Variants in NAV2 observed in about 807,000 individuals in gnomAD.
NAV2 encodes helicase, APC down-regulated 1.
NAV2 carries 54 observed loss-of-function variants against 223.2 expected under a neutral mutation model. The observed-to-expected ratio is 0.24, with a 90% CI of 0.19 to 0.30. The LOEUF (loss-of-function observed/expected upper bound fraction) is 0.30, where lower values mean the gene tolerates loss of function less well. Ranked by LOEUF, NAV2 falls within the 10% of genes least tolerant of loss-of-function variation. NAV2 has a pLI of 1.00. For synonymous variants in NAV2, 1,279 were observed against 1,239.3 expected, an observed-to-expected ratio of 1.03 and a Z score of -0.67; for missense variants, 2,806 against 3,147.5, an observed-to-expected ratio of 0.89 and a Z score of 2.60.
At chr11:19,944,225 AG>A (rs2046647484) in intron 8 of NAV2, among the ~76,000 whole-genome samples, 1 of 152,136 alleles carries the variant, frequency 6.6e-6, no homozygotes, top group Non-Finnish European at 1.5e-5. Context: ...AGAAAGAAAC[AG>A]AATTGCCAGA....
chr11:19,462,751 A>T (rs1197870234), intron 1 of NAV2, among the ~76,000 whole-genome samples: 1 of 151,842 alleles, frequency 6.6e-6, no homozygotes, highest in Non-Finnish European at 1.5e-5. Flanking sequence ...TCTTTGAGAG[A>T]CTCCCAACCT....
intron 1 of NAV2, among the ~76,000 whole-genome samples, chr11:19,527,449 C>T (rs1044259647): frequency 2.6e-5 from 4 of 152,070 alleles, no homozygotes; most frequent in Admixed American, 6.6e-5. Flanking sequence ...TTCTCTCTCT[C>T]CATCTTTCAT....
upstream of NAV2, among the ~76,000 whole-genome samples, chr11:19,708,156 T>TAGGGTGAGTAGATGA (rs2049728822): frequency 6.6e-6 from 1 of 152,136 alleles, no homozygotes; most frequent in Admixed American, 6.5e-5. Context: ...GAGTCACTGA[T>TAGGGTGAGTAGATGA]AGGGTGAGTA....
rs537847322 is a variant in NAV2 at position 19,871,761 on chromosome 11, G to A, written c.511+2764G>A. 7.8e-4 allele frequency among the ~76,000 whole-genome samples: 118 copies of A among 152,194 alleles called. 1 individual carries two copies. In the South Asian group the frequency reaches 0.013, roughly 17 times the overall value. ...CTCTCCGGTTCTTTTCCTCATTCAG[G>A]TGGCCAAGAGGCAGATCAGCCGGGT... On this transcript the variant is annotated intron_variant, in intron 4 of 37. Transcript: ENST00000349880.
At chr11:19,517,438 G>A (rs991527867) in intron 1 of NAV2, among the ~76,000 whole-genome samples, 11 of 152,138 alleles carry the variant, frequency 7.2e-5, no homozygotes, top group East Asian at 1.9e-4. Context: ...ACTTTTGGGC[G>A]GATTAAGTAA....
At chr11:19,418,241 C>A (rs1185807999) in intron 1 of NAV2, among the ~76,000 whole-genome samples, 1 of 152,158 alleles carries the variant, frequency 6.6e-6, no homozygotes, top group African/African-American at 2.4e-5. Context: ...TGAGAGCCTC[C>A]TATTTGACAG....
chr11:20,042,179 G>C (rs1301040583), intron 12 of NAV2, among the ~76,000 whole-genome samples: 1 of 152,248 alleles, frequency 6.6e-6, no homozygotes, highest in Non-Finnish European at 1.5e-5. Flanking sequence ...TTGGGACAAA[G>C]AATGGGCAAC....
intron 5 of NAV2, among the ~76,000 whole-genome samples, chr11:19,882,830 T>C (rs2063301341): frequency 6.6e-6 from 1 of 152,204 alleles, no homozygotes. Context: ...GGAGTTGCTG[T>C]ATGTCCTCAT....
intron 6 of NAV2, among the ~76,000 whole-genome samples, chr11:19,918,868 C>T (rs1474335662): frequency 1.3e-5 from 2 of 152,174 alleles, no homozygotes; most frequent in Admixed American, 6.5e-5. Context: ...TCCACAGGTC[C>T]GTAAACCAAT....
intron 3 of NAV2, among the ~76,000 whole-genome samples, chr11:19,865,076 TGGAAA>T (rs1315022973): frequency 6.6e-6 from 1 of 152,244 alleles, no homozygotes; most frequent in Non-Finnish European, 1.5e-5. Flanking sequence ...CAGCTAATTT[TGGAAA>T]GTAGTTTATA....
intron 1 of NAV2, among the ~76,000 whole-genome samples, chr11:19,523,055 A>G (rs2043721773): frequency 2.6e-5 from 4 of 152,234 alleles, no homozygotes; most frequent in Admixed American, 2.6e-4. Flanking sequence ...ATTCATCCAG[A>G]GGAAGCAGGT....
At chr11:19,628,479 C>A (rs956584242) in intron 1 of NAV2, among the ~76,000 whole-genome samples, 2 of 152,194 alleles carry the variant, frequency 1.3e-5, no homozygotes, top group African/African-American at 4.8e-5. Context: ...TATCCCCACA[C>A]CCCGTACACA....
intron 1 of NAV2, among the ~76,000 whole-genome samples, chr11:19,536,429 A>T (rs965028593): frequency 4.6e-5 from 7 of 152,182 alleles, no homozygotes; most frequent in Non-Finnish European, 8.8e-5. Flanking sequence ...ATTGTGGTCC[A>T]GGGACCAGCT....
At chr11:19,739,092 G>A (rs1285474290) in intron 1 of NAV2, among the ~76,000 whole-genome samples, 1 of 152,142 alleles carries the variant, frequency 6.6e-6, no homozygotes, top group Non-Finnish European at 1.5e-5. Flanking sequence ...AAGGTGGGAG[G>A]ATCACTTGAG....
chr11:20,046,556 A>T (rs950756273), intron 14 of NAV2, among the ~76,000 whole-genome samples: 5 of 150,334 alleles, frequency 3.3e-5, no homozygotes, highest in Admixed American at 2.0e-4. Flanking sequence ...GCTACTCCGG[A>T]ATTCCAAGTC....
intron 1 of NAV2, among the ~76,000 whole-genome samples, chr11:19,606,713 C>T (rs567783538): frequency 7.2e-5 from 11 of 152,320 alleles, no homozygotes; most frequent in African/African-American, 2.4e-4. Context: ...ATTACCTCTG[C>T]CAAGAGATAT....
At chr11:19,994,965 C>G (rs2051722475) in intron 11 of NAV2, among the ~76,000 whole-genome samples, 1 of 152,152 alleles carries the variant, frequency 6.6e-6, no homozygotes, top group Admixed American at 6.5e-5. Flanking sequence ...AAGGTCATCT[C>G]TTGGGTTTGG....
intron 1 of NAV2, among the ~76,000 whole-genome samples, chr11:19,369,599 A>C (rs1848404008): frequency 6.6e-6 from 1 of 152,128 alleles, no homozygotes; most frequent in African/African-American, 2.4e-5. Flanking sequence ...TCTTTGAGCT[A>C]GGTGCCCTAG....
intron 1 of NAV2, among the ~76,000 whole-genome samples, chr11:19,811,145 A>T (rs1340595304): frequency 1.3e-5 from 2 of 152,180 alleles, no homozygotes; most frequent in South Asian, 2.1e-4. Flanking sequence ...TTGCTTTCTA[A>T]ATATTATCCA....
Sources: allele counts gnomAD v4.1 joint callset (sites outside exome capture counted in the v4.1 genomes callset), GRCh38; gene constraint gnomAD v4.1.1; transcripts MANE v1.5; gene names NCBI Gene and HGNC (gene_info 2026-07-23, HGNC 2026-07-21).